KIAA1958: variants seen among roughly 807,000 people sequenced by gnomAD.
The protein encoded by KIAA1958 is KIAA1958.
In KIAA1958, 14 loss-of-function variants were observed where a neutral mutation model predicts 47.2. The observed-to-expected ratio is 0.30, with a 90% confidence interval of 0.20 to 0.46. The LOEUF is 0.46. Among genes scored for constraint, KIAA1958 ranks in the 20% least tolerant of loss-of-function variants. The pLI is 1.00. For missense variants in KIAA1958, 803 were observed against 909.2 expected, an observed-to-expected ratio of 0.88 and a Z score of 1.50; for synonymous variants, 354 against 353.3, an observed-to-expected ratio of 1.00 and a Z score of -0.02.
intron 2 of KIAA1958, among the ~76,000 whole-genome samples, chr9:112,611,561 C>A (rs1329491043): frequency 1.3e-5 from 2 of 150,898 alleles, no homozygotes; most frequent in Non-Finnish European, 3.0e-5. Context: ...GGGAGAAAAT[C>A]AAAAAGCTGT....
At position 112,645,730 on chromosome 9, in the gene KIAA1958, C is replaced by T; in HGVS notation, c.1252C>T (p.Pro418Ser). The T allele has an allele frequency of 6.2e-7, 1 of 1,613,838 alleles. No individual in the cohort carries two copies. The highest frequency in any genetic ancestry group is 8.5e-7 in the Non-Finnish European group (1 of 1,179,892). Residue 418 changes from proline (P) to serine (S), a missense_variant, in exon 3 of 4, where the codon CCA (proline) becomes TCA (serine). Coordinates refer to ENST00000337530, the MANE Select transcript of KIAA1958 (RefSeq NM_133465.4). ...TGATCTGTGTACCAGTGCAGTAAGC[C>T]CAAATACTACCAAAGCCACGCGGTA... ...LNDLCTSAVS[P>S]NTTKATRYAL...
intron 1 of KIAA1958, among the ~76,000 whole-genome samples, chr9:112,512,387 A>G (rs951446081): frequency 2.5e-4 from 38 of 152,370 alleles, no homozygotes; most frequent in African/African-American, 7.5e-4. Flanking sequence ...AGGCTAAAAA[A>G]GAAAACCATA....
intron 2 of KIAA1958, among the ~76,000 whole-genome samples, chr9:112,579,012 A>G (rs1309147516): frequency 6.6e-6 from 1 of 151,766 alleles, no homozygotes; most frequent in Admixed American, 6.6e-5. Flanking sequence ...TCAGATTTGT[A>G]TGTATATATA....
intron 1 of KIAA1958, among the ~76,000 whole-genome samples, chr9:112,547,497 T>C (rs967540734): frequency 2.0e-5 from 3 of 151,278 alleles, no homozygotes; most frequent in African/African-American, 7.3e-5. Context: ...TGATGCGGGG[T>C]TGGGGAGTCA....
rs549440950 is a variant in KIAA1958, at chr9:112,596,898, CTGAT to C, written c.1171+21649_1171+21652del. Among the ~76,000 whole-genome samples the C allele has an allele frequency of 1.2e-4, 19 of 152,160 alleles. 1 individual carries two copies. In the South Asian group the frequency reaches 3.7e-3, roughly 30 times the overall value. ...AGATGCCTTCATATTTTGATCCTTA[CTGAT>C]TAATATATGCAATAAATGTAGATAT... On this transcript the variant is annotated intron_variant, in intron 2 of 3. Coordinates refer to ENST00000337530, the MANE Select transcript of KIAA1958 (RefSeq NM_133465.4).
chr9:112,589,655 C>T (rs1835885114), intron 2 of KIAA1958, among the ~76,000 whole-genome samples: 2 of 152,154 alleles, frequency 1.3e-5, no homozygotes, highest in African/African-American at 4.8e-5. Flanking sequence ...TTATGTCCTA[C>T]TAGGCCTGAA....
chr9:112,666,719 G>A lies in KIAA1958; in HGVS notation c.*6650G>A, dbSNP rs904877108. ...TGGCTTACTTCATGAAACAGGCCCT[G>A]TGAAATTAAAAACATGAAAGCTATT... is the stretch of plus-strand genomic sequence containing the variant. On this transcript the variant is annotated 3_prime_UTR_variant, in exon 4 of 4. Transcript: ENST00000337530. 2 of 152,214 alleles carry A rather than the reference G, an allele frequency of 1.3e-5. No individual in the cohort carries two copies. Among genetic ancestry groups the A allele is most frequent in the African/African-American group, 4.8e-5 (2 of 41,462 alleles). The allele number at this position is 152,214 out of a possible 1,614,324, so 9.4% of individuals were successfully genotyped here.
At chr9:112,498,079 G>A (rs1834074741) in intron 1 of KIAA1958, among the ~76,000 whole-genome samples, 1 of 152,110 alleles carries the variant, frequency 6.6e-6, no homozygotes. Flanking sequence ...GTTGCAGGGA[G>A]TTTAATTCTT....
At chr9:112,534,796 G>A (rs777355045) in intron 1 of KIAA1958, among the ~76,000 whole-genome samples, 1 of 151,978 alleles carries the variant, frequency 6.6e-6, no homozygotes, top group Non-Finnish European at 1.5e-5. Flanking sequence ...TGCCCGCCTC[G>A]GCCTCCCAAA....
chr9:112,529,993 G>A (rs1052989291), intron 1 of KIAA1958, among the ~76,000 whole-genome samples: 12 of 152,134 alleles, frequency 7.9e-5, no homozygotes, highest in South Asian at 2.1e-4. Context: ...ATAGGCGCCC[G>A]CCACCACGCC....
intron 2 of KIAA1958, among the ~76,000 whole-genome samples, chr9:112,577,160 A>G (rs1164536660): frequency 6.6e-6 from 1 of 152,118 alleles, no homozygotes; most frequent in Non-Finnish European, 1.5e-5. Context: ...TTTGAGAAAT[A>G]TCTACTCAAA....
At chr9:112,588,837 T>C (rs1370089262) in intron 2 of KIAA1958, among the ~76,000 whole-genome samples, 1 of 152,064 alleles carries the variant, frequency 6.6e-6, no homozygotes, top group East Asian at 1.9e-4. Context: ...TGTTTCTTCC[T>C]TTTTCCCCCT....
intron 3 of KIAA1958, among the ~76,000 whole-genome samples, chr9:112,651,579 A>G (rs540803817): frequency 6.6e-6 from 1 of 151,988 alleles, no homozygotes; most frequent in Admixed American, 6.6e-5. Flanking sequence ...TATTTTTAGT[A>G]AAGACAGGGT....
At chr9:112,620,342 TC>T (rs933004016) in intron 2 of KIAA1958, among the ~76,000 whole-genome samples, 2 of 152,222 alleles carry the variant, frequency 1.3e-5, no homozygotes, top group Non-Finnish European at 2.9e-5. Flanking sequence ...TATTTGTTCT[TC>T]AAGGCAACCT....
chr9:112,502,932 A>G lies in KIAA1958; in HGVS notation c.-25+15814A>G, dbSNP rs566580504. Among the ~76,000 whole-genome samples the G allele has an allele frequency of 1.7e-3, 253 of 152,370 alleles. 1 individual carries two copies. The highest frequency in any genetic ancestry group is 5.6e-3 in the African/African-American group (234 of 41,594). On this transcript the variant is annotated intron_variant, in intron 1 of 3. Coordinates refer to ENST00000337530, the MANE Select transcript of KIAA1958 (RefSeq NM_133465.4). ...TTGATAAAACTGGATCTAGCCATTTACAATGATGATTATAGAGACTGTTTA... is the reference window on the plus strand; with the variant it reads ...TTGATAAAACTGGATCTAGCCATTTGCAATGATGATTATAGAGACTGTTTA...
intron 1 of KIAA1958, among the ~76,000 whole-genome samples, chr9:112,545,161 A>G (rs1271890630): frequency 6.6e-6 from 1 of 152,180 alleles, no homozygotes; most frequent in Admixed American, 6.5e-5. Context: ...TTTCTGGTCT[A>G]CCGTTGACCT....
At chr9:112,633,867 A>G (rs997119523) in intron 2 of KIAA1958, among the ~76,000 whole-genome samples, 1 of 152,112 alleles carries the variant, frequency 6.6e-6, no homozygotes, top group Non-Finnish European at 1.5e-5. Context: ...TATGCATACC[A>G]TTGTTTATGG....
intron 2 of KIAA1958, among the ~76,000 whole-genome samples, chr9:112,611,594 A>C (rs1836327823): frequency 6.6e-6 from 1 of 152,220 alleles, no homozygotes; most frequent in East Asian, 1.9e-4. Flanking sequence ...GAAGATATGA[A>C]AAATGAACAA....
rs1837376543 is a variant in KIAA1958, at chr9:112,668,199, A to G, written c.*8130A>G. The G allele has an allele frequency of 6.6e-6, 1 of 152,234 alleles. No individual in the cohort carries two copies. Among genetic ancestry groups the G allele is most frequent in the Non-Finnish European group, 1.5e-5 (1 of 68,048 alleles). The allele number at this position is 152,234 out of a possible 1,614,324, so 9.4% of individuals were successfully genotyped here. A position where few individuals can be genotyped will look rare whatever the true frequency, so the allele number is the denominator to read the frequency against. On this transcript the variant is annotated 3_prime_UTR_variant, in exon 4 of 4. Transcript: ENST00000337530. ...GGTGTAATAACCTAGACTAGAGCTTATAGACTGAAGCCCATGTGCTTCTCC... is the reference window on the plus strand; with the variant it reads ...GGTGTAATAACCTAGACTAGAGCTTGTAGACTGAAGCCCATGTGCTTCTCC...
Sources: gnomAD v4.1 joint callset for allele counts (sites outside exome capture counted in the v4.1 genomes callset) on GRCh38, gnomAD v4.1.1 for gene constraint, MANE v1.5 for transcripts, NCBI Gene and HGNC (gene_info 2026-07-23, HGNC 2026-07-21) for gene names.